Variants in DOCK8 observed in about 807,000 individuals in gnomAD.
DOCK8 encodes the protein dedicator of cytokinesis 8, also known as dedicator of cytokinesis protein 8.
In DOCK8, 141 loss-of-function variants were observed where a neutral mutation model predicts 245.6. The observed-to-expected ratio is 0.57, with a 90% CI of 0.50 to 0.66. DOCK8 has a LOEUF of 0.66. DOCK8 is among the 30% of genes least tolerant of loss of function. The pLI, the probability that DOCK8 is intolerant of heterozygous loss-of-function variation, is 0.00. For synonymous variants in DOCK8, 1,168 were observed against 970.2 expected, an observed-to-expected ratio of 1.20 and a Z score of -3.79; for missense variants, 2,965 against 2,603.4, an observed-to-expected ratio of 1.14 and a Z score of -3.02.
intron 8 of DOCK8, among the ~76,000 whole-genome samples, chr9:327,378 A>G (rs954866510): frequency 7.1e-6 from 1 of 140,370 alleles, no homozygotes; most frequent in African/African-American, 2.6e-5. Context: ...TTACATGTTT[A>G]CCTTTTCCCT....
chr9:230,743 G>T (rs2047095925), intron 1 of DOCK8, among the ~76,000 whole-genome samples: 1 of 151,700 alleles, frequency 6.6e-6, no homozygotes, highest in Non-Finnish European at 1.5e-5. Flanking sequence ...CTTTTTGATG[G>T]GGTTGTTTGT....
intron 33 of DOCK8, among the ~76,000 whole-genome samples, chr9:424,049 C>G (rs2056386324): frequency 7.6e-6 from 1 of 131,630 alleles, no homozygotes; most frequent in African/African-American, 2.8e-5. Flanking sequence ...TACAAATTCT[C>G]AGGGGCTTTG....
chr9:313,110 A>G (rs73639049), intron 6 of DOCK8, among the ~76,000 whole-genome samples: 10,653 of 152,270 alleles, frequency 0.07, 517 homozygotes, highest in African/African-American at 0.13. Context: ...CTGGTCAGCA[A>G]GGAGGACAAT....
chr9:301,864 A>C (rs183996149), intron 4 of DOCK8, among the ~76,000 whole-genome samples: 4 of 152,330 alleles, frequency 2.6e-5, no homozygotes, highest in Non-Finnish European at 5.9e-5. Flanking sequence ...ACAAATGGAC[A>C]AATATTCCAT....
chr9:271,531 C>A, intron 1 of DOCK8, 96 bp from the exon 2 acceptor site: 1 of 972,474 alleles, frequency 1.0e-6, no homozygotes, highest in Non-Finnish European at 1.6e-6. Flanking sequence ...CCAGCCAAGG[C>A]CTACGTTTTA....
chr9:418,627 T>C (rs1235147087), intron 30 of DOCK8, among the ~76,000 whole-genome samples: 1 of 152,146 alleles, frequency 6.6e-6, no homozygotes, highest in Non-Finnish European at 1.5e-5. Flanking sequence ...TATTTCCGCC[T>C]CATTTTGCTG....
chr9:281,651 G>A (rs1371778698), intron 2 of DOCK8, among the ~76,000 whole-genome samples: 3 of 152,076 alleles, frequency 2.0e-5, no homozygotes, highest in Non-Finnish European at 4.4e-5. Context: ...CTGTGTGTGT[G>A]TGTGTGTGTG....
At chr9:422,224 C>T in intron 33 of DOCK8, 89 bp downstream of exon 33, 1 of 1,055,650 alleles carries the variant, frequency 9.5e-7, no homozygotes, top group Non-Finnish European at 1.5e-6. Flanking sequence ...CAACTGCATC[C>T]TTCCAAGGGT....
At chr9:378,432 G>A (rs1374691200) in intron 20 of DOCK8, among the ~76,000 whole-genome samples, 1 of 152,242 alleles carries the variant, frequency 6.6e-6, no homozygotes, top group Non-Finnish European at 1.5e-5. Flanking sequence ...GGCTTTTAGA[G>A]CCAGGGAGGG....
chr9:427,824 A>G (rs995914363), intron 34 of DOCK8, among the ~76,000 whole-genome samples: 26 of 152,204 alleles, frequency 1.7e-4, no homozygotes, highest in African/African-American at 6.0e-4. Flanking sequence ...TTGGTATCAC[A>G]TTTACCTTAT....
intron 1 of DOCK8, among the ~76,000 whole-genome samples, chr9:241,592 A>T (rs2131414933): frequency 6.6e-6 from 1 of 152,282 alleles, no homozygotes; most frequent in South Asian, 2.1e-4. Context: ...TCCAGTGTGT[A>T]TCTATCCCAC....
intron 1 of DOCK8, among the ~76,000 whole-genome samples, chr9:229,463 A>G (rs1313814435): frequency 6.6e-6 from 1 of 152,160 alleles, no homozygotes; most frequent in East Asian, 1.9e-4. Flanking sequence ...TAAATCCCAT[A>G]ATTACACTGA....
chr9:361,088 GC>G (rs2131115207), intron 14 of DOCK8, among the ~76,000 whole-genome samples: 1 of 152,220 alleles, frequency 6.6e-6, no homozygotes, highest in Non-Finnish European at 1.5e-5. Flanking sequence ...GATCGCTTGA[GC>G]CCAGAAAGTT....
At chr9:348,685 G>C (rs909032615) in intron 14 of DOCK8, among the ~76,000 whole-genome samples, 5 of 152,184 alleles carry the variant, frequency 3.3e-5, no homozygotes, top group African/African-American at 1.2e-4. Flanking sequence ...AATCCAAAAA[G>C]CCTTTTGTCT....
At chr9:356,723 G>C (rs1463849518) in intron 14 of DOCK8, among the ~76,000 whole-genome samples, 3 of 152,002 alleles carry the variant, frequency 2.0e-5, no homozygotes, top group Non-Finnish European at 4.4e-5. Context: ...TTTGTAAGGA[G>C]GGAGGGTGAG....
chr9:369,908 C>A (rs1423393347), intron 15 of DOCK8: 3 of 356,664 alleles, frequency 8.4e-6, no homozygotes, highest in African/African-American at 2.1e-5. Context: ...CTCAAGCGAT[C>A]CTCTTGCCTC....
intron 24 of DOCK8, among the ~76,000 whole-genome samples, chr9:394,845 G>C (rs2054373322): frequency 6.6e-6 from 1 of 152,224 alleles, no homozygotes; most frequent in African/African-American, 2.4e-5. Flanking sequence ...TGGAGATCTG[G>C]AGGACACAGT....
At chr9:257,487 G>A (rs1482385326) in intron 1 of DOCK8, among the ~76,000 whole-genome samples, 1 of 152,028 alleles carries the variant, frequency 6.6e-6, no homozygotes, top group African/African-American at 2.4e-5. Context: ...CATCTGGAGG[G>A]CTTGTTTTTT....
At chr9:228,920 TG>T (rs1222454876) in intron 1 of DOCK8, among the ~76,000 whole-genome samples, 6 of 152,202 alleles carry the variant, frequency 3.9e-5, no homozygotes, top group Admixed American at 1.3e-4. Context: ...TGCTGACTGT[TG>T]GCTGAGCTTT....
Sources: gnomAD v4.1 joint callset for allele counts (sites outside exome capture counted in the v4.1 genomes callset) on GRCh38, gnomAD v4.1.1 for gene constraint, MANE v1.5 for transcripts, NCBI Gene and HGNC (gene_info 2026-07-23, HGNC 2026-07-21) for gene names.